Variants in FAM169A observed in about 807,000 individuals in gnomAD.
FAM169A encodes family with sequence similarity 169 member A, also known as soluble lamin-associated protein of 75 kDa.
In FAM169A, 24 loss-of-function variants were observed where a neutral mutation model predicts 75.7. That is an observed-to-expected ratio of 0.32 (90% CI 0.23 to 0.45). The LOEUF (loss-of-function observed/expected upper bound fraction) is 0.45, where lower values mean the gene tolerates loss of function less well. FAM169A is among the 20% of genes least tolerant of loss of function. FAM169A has a pLI of 1.00. For missense variants in FAM169A, 673 were observed against 784.0 expected, an observed-to-expected ratio of 0.86 and a Z score of 1.69; for synonymous variants, 271 against 271.0, an observed-to-expected ratio of 1.00 and a Z score of 0.00.
chr5:74,791,510 G>A (rs895359705), intron 11 of FAM169A, among the ~76,000 whole-genome samples: 4 of 152,170 alleles, frequency 2.6e-5, no homozygotes, highest in Non-Finnish European at 5.9e-5. Context: ...GACACTTTGG[G>A]CTCCTCCTAC....
chr5:74,815,703 T>G (rs1202582219), intron 5 of FAM169A, among the ~76,000 whole-genome samples: 2 of 152,162 alleles, frequency 1.3e-5, no homozygotes, highest in African/African-American at 4.8e-5. Flanking sequence ...TGGCACAAGA[T>G]GCAGGTCATA....
intron 1 of FAM169A, among the ~76,000 whole-genome samples, chr5:74,842,090 A>T (rs969527847): frequency 3.3e-5 from 5 of 151,878 alleles, no homozygotes; most frequent in Non-Finnish European, 5.9e-5. Context: ...TTGTGATGAT[A>T]GCTGCACAAC....
At chr5:74,818,799 C>T (rs1356280446) in intron 5 of FAM169A, among the ~76,000 whole-genome samples, 1 of 125,948 alleles carries the variant, frequency 7.9e-6, no homozygotes, top group Admixed American at 8.0e-5. Context: ...CTCTCTCTCT[C>T]TCTCTATATA....
chr5:74,861,349 A>G (rs1409811221), intron 1 of FAM169A, among the ~76,000 whole-genome samples: 3 of 152,104 alleles, frequency 2.0e-5, no homozygotes, highest in Non-Finnish European at 2.9e-5. Context: ...CCAAATCTCT[A>G]TTATCTGCCT....
chr5:74,792,146 A>G (rs558771917), intron 11 of FAM169A, among the ~76,000 whole-genome samples: 2 of 152,098 alleles, frequency 1.3e-5, no homozygotes, highest in Non-Finnish European at 2.9e-5. Flanking sequence ...TTATTTGAAG[A>G]TTATGTATGA....
At chr5:74,861,040 G>A (rs930739240) in intron 1 of FAM169A, among the ~76,000 whole-genome samples, 2 of 152,152 alleles carry the variant, frequency 1.3e-5, no homozygotes, top group African/African-American at 4.8e-5. Context: ...AGGGGGCTGA[G>A]ACAGGAGAAT....
upstream of FAM169A, chr5:74,866,610 G>A (rs1750364250): frequency 1.3e-5 from 9 of 667,734 alleles, no homozygotes; most frequent in Non-Finnish European, 1.7e-5. Context: ...CTCCGCCCCG[G>A]CCGCCGTCAC....
rs1745330186 is a variant in FAM169A, at chr5:74,779,976, AATGGTC to A, written c.*1478_*1483del. On this transcript the variant is annotated 3_prime_UTR_variant, in exon 13 of 13. Coordinates refer to ENST00000687041, the MANE Select transcript of FAM169A (RefSeq NM_001376049.1). ...ATCAAGCTATTTTTAAAACAATTTAAATGGTCTCAAAACATTCTCCAACTTAAGTGC... is the reference window on the plus strand; with the variant it reads ...ATCAAGCTATTTTTAAAACAATTTAATCAAAACATTCTCCAACTTAAGTGC... The A allele has an allele frequency of 6.6e-6, 1 of 152,236 alleles. No individual in the cohort carries two copies. The highest frequency in any genetic ancestry group is 2.1e-4 in the South Asian group (1 of 4,834). 9.4% of individuals were successfully genotyped at this position (152,236 alleles called of 1,614,324 possible). A position where few individuals can be genotyped will look rare whatever the true frequency, so the allele number is the denominator to read the frequency against.
At chr5:74,860,700 T>C (rs1749986171) in intron 1 of FAM169A, among the ~76,000 whole-genome samples, 1 of 152,096 alleles carries the variant, frequency 6.6e-6, no homozygotes, top group African/African-American at 2.4e-5. Flanking sequence ...GCAAGTGGAA[T>C]AGCCAAGGCT....
chr5:74,789,906 T>G (rs1362719696), intron 11 of FAM169A, among the ~76,000 whole-genome samples: 4 of 152,214 alleles, frequency 2.6e-5, no homozygotes, highest in Non-Finnish European at 5.9e-5. Flanking sequence ...TGGGCTTTGG[T>G]AGAAACCGAA....
chr5:74,797,056 G>C (rs1278539511), intron 10 of FAM169A, among the ~76,000 whole-genome samples: 1 of 152,034 alleles, frequency 6.6e-6, no homozygotes, highest in East Asian at 1.9e-4. Flanking sequence ...GGCTTTCAAA[G>C]AGCTGGCTTT....
chr5:74,806,260 A>G (rs747902354), intron 6 of FAM169A, among the ~76,000 whole-genome samples: 17 of 152,200 alleles, frequency 1.1e-4, no homozygotes, highest in Non-Finnish European at 2.1e-4. Context: ...CCACACGTAC[A>G]CTACAACTTG....
At chr5:74,852,107 A>G (rs1749472672) in intron 1 of FAM169A, among the ~76,000 whole-genome samples, 1 of 152,224 alleles carries the variant, frequency 6.6e-6, no homozygotes, top group Non-Finnish European at 1.5e-5. Context: ...TAATTTTGGC[A>G]TACCATTTGC....
chr5:74,838,185 C>T (rs916858546), intron 4 of FAM169A, among the ~76,000 whole-genome samples: 2 of 151,086 alleles, frequency 1.3e-5, no homozygotes, highest in Non-Finnish European at 2.9e-5. Flanking sequence ...TAACAAGACA[C>T]TCTATACTTA....
chr5:74,831,269 T>C (rs1748295283), intron 5 of FAM169A, among the ~76,000 whole-genome samples: 1 of 152,164 alleles, frequency 6.6e-6, no homozygotes. Flanking sequence ...AAACCCAAAA[T>C]CTCTTTGATA....
chr5:74,786,879 G>A (rs1365911166), intron 11 of FAM169A, among the ~76,000 whole-genome samples: 1 of 152,186 alleles, frequency 6.6e-6, no homozygotes, highest in Non-Finnish European at 1.5e-5. Context: ...CCTGCAACTT[G>A]GAATGGGGAC....
intron 5 of FAM169A, among the ~76,000 whole-genome samples, chr5:74,814,442 G>A (rs1747367421): frequency 6.6e-6 from 1 of 151,862 alleles, no homozygotes; most frequent in East Asian, 1.9e-4. Flanking sequence ...CTTTGAGGAT[G>A]TCTCTGATCT....
chr5:74,840,071 G>A lies in FAM169A; in HGVS notation c.232+3C>T. 1 of 1,479,080 alleles carries A rather than the reference G, an allele frequency of 6.8e-7. No individual in the cohort carries two copies. Among genetic ancestry groups the A allele is most frequent in the Non-Finnish European group, 9.2e-7 (1 of 1,082,304 alleles). 91.6% of individuals were successfully genotyped at this position (1,479,080 alleles called of 1,614,324 possible). A position where few individuals can be genotyped will look rare whatever the true frequency, so the allele number is the denominator to read the frequency against. On this transcript the variant is annotated splice_donor_region_variant and intron_variant, in intron 3 of 12. Transcript: ENST00000687041. ...AATTTATAAAAATTAAGCAAAAAGA[G>A]ACCTGTCAGTGAATCTTCAGGTGCA... is the stretch of plus-strand genomic sequence containing the variant.
At chr5:74,843,314 C>A (rs1422177741) in intron 1 of FAM169A, among the ~76,000 whole-genome samples, 1 of 152,070 alleles carries the variant, frequency 6.6e-6, no homozygotes, top group African/African-American at 2.4e-5. Context: ...TTAATGCAAT[C>A]CTAATGAAAT....
Sources: gnomAD v4.1 joint callset for allele counts (sites outside exome capture counted in the v4.1 genomes callset) on GRCh38, gnomAD v4.1.1 for gene constraint, MANE v1.5 for transcripts, NCBI Gene and HGNC (gene_info 2026-07-23, HGNC 2026-07-21) for gene names.